NAV3: variants seen among roughly 807,000 people sequenced by gnomAD.
NAV3 encodes neuron navigator 3, also known as pore membrane and/or filament interacting like protein 1.
Under a neutral mutation model 244.7 loss-of-function variants are expected in NAV3, and 87 were observed. The observed-to-expected ratio is 0.36, with a 90% CI of 0.30 to 0.42. NAV3 has a LOEUF of 0.42. NAV3 is among the 20% of genes least tolerant of loss of function. The probability of loss-of-function intolerance (pLI) is 1.00; values close to 1 mark genes in which losing one functional copy is unlikely to be tolerated. For synonymous variants in NAV3, 1,126 were observed against 1,042.2 expected (o/e 1.08, Z -1.55); for missense variants, 2,663 against 2,893.3 (o/e 0.92, Z 1.83).
chr12:78,155,965 T>C (rs1473233159), intron 22 of NAV3, among the ~76,000 whole-genome samples: 1 of 152,192 alleles, frequency 6.6e-6, no homozygotes, highest in African/African-American at 2.4e-5. Context: ...TTCACTCTGA[T>C]GATAGTTTCT....
chr12:77,742,602 A>T (rs1046912654), intron 2 of NAV3, among the ~76,000 whole-genome samples: 2 of 152,088 alleles, frequency 1.3e-5, no homozygotes, highest in Admixed American at 6.6e-5. Flanking sequence ...AACACAAAAA[A>T]ATTTATTATA....
intron 11 of NAV3, among the ~76,000 whole-genome samples, chr12:78,056,664 G>A (rs934061312): frequency 2.0e-5 from 3 of 150,824 alleles, no homozygotes; most frequent in Non-Finnish European, 4.4e-5. Context: ...AGGAAGCAGA[G>A]GTTGCAGTGA....
At position 77,609,628 on chromosome 12, in the gene NAV3, T is replaced by C. The variant is rs565077216; in HGVS notation, c.72+37362T>C. On this transcript the variant is annotated intron_variant, in intron 2 of 8. Coordinates refer to the NAV3 transcript ENST00000550042. ...TAAGTTAGAGATGGGGCCTGAGAAT[T>C]TGCATTTTGAACAACTTCCCAGGTG... Among the ~76,000 whole-genome samples the C allele has an allele frequency of 3.3e-5, 5 of 151,892 alleles. No homozygotes were observed. The South Asian group carries it at 1.0e-3, about 32-fold the overall frequency.
chr12:77,677,283 G>A (rs1258905950), intron 2 of NAV3, among the ~76,000 whole-genome samples: 1 of 152,102 alleles, frequency 6.6e-6, no homozygotes, highest in Admixed American at 6.6e-5. Context: ...GTTTATAATT[G>A]GCTATTTATC....
At chr12:78,014,619 A>G (rs1211472454) in intron 8 of NAV3, among the ~76,000 whole-genome samples, 1 of 152,116 alleles carries the variant, frequency 6.6e-6, no homozygotes, top group Non-Finnish European at 1.5e-5. Context: ...TGACAGGGAA[A>G]TTGACATTTT....
chr12:77,690,334 T>A (rs1315663825), intron 2 of NAV3, among the ~76,000 whole-genome samples: 1 of 151,756 alleles, frequency 6.6e-6, no homozygotes, highest in East Asian at 1.9e-4. Context: ...ATAAATTTAG[T>A]AGTGATTGTG....
intron 1 of NAV3, among the ~76,000 whole-genome samples, chr12:77,834,745 A>G (rs1874326194): frequency 6.6e-6 from 1 of 152,230 alleles, no homozygotes; most frequent in Non-Finnish European, 1.5e-5. Flanking sequence ...GCAAAGTTGT[A>G]TTTATAGGGA....
chr12:78,166,817 G>A (rs1957798746), intron 23 of NAV3, among the ~76,000 whole-genome samples: 1 of 151,674 alleles, frequency 6.6e-6, no homozygotes. Flanking sequence ...TCAAAGCTAA[G>A]CTTAATTTTT....
intron 5 of NAV3, among the ~76,000 whole-genome samples, chr12:77,981,346 T>C (rs937313845): frequency 2.6e-5 from 4 of 152,188 alleles, no homozygotes; most frequent in Admixed American, 2.6e-4. Context: ...TATCATTTTA[T>C]AGCAGTTCAC....
chr12:78,178,505 T>G (rs1158365178), intron 28 of NAV3, among the ~76,000 whole-genome samples: 2 of 152,124 alleles, frequency 1.3e-5, no homozygotes, highest in Non-Finnish European at 2.9e-5. Flanking sequence ...TGTAGGTAAC[T>G]TAAACCACAG....
Position 77,672,699 on chromosome 12 carries a change from T to C in NAV3, c.72+100433T>C, listed in dbSNP as rs577178749. ...CTCAGGGGAAAGGGTGGGAGTGGGGTGAGGGATAAATGACTATACATTGGG... is the reference window on the plus strand; with the variant it reads ...CTCAGGGGAAAGGGTGGGAGTGGGGCGAGGGATAAATGACTATACATTGGG... On this transcript the variant is annotated intron_variant, in intron 2 of 8. Transcript: ENST00000550042. 2.4e-4 allele frequency among the ~76,000 whole-genome samples: 37 copies of C among 151,536 alleles called. No homozygotes were observed. In the South Asian group the frequency reaches 7.5e-3, roughly 31 times the overall value.
chr12:77,988,504 T>C (rs1236144785), intron 5 of NAV3, among the ~76,000 whole-genome samples: 2 of 152,106 alleles, frequency 1.3e-5, no homozygotes, highest in African/African-American at 4.8e-5. Context: ...TTTCTCTTCT[T>C]CCCTTCCATG....
intron 2 of NAV3, among the ~76,000 whole-genome samples, chr12:77,711,049 G>A (rs180850997): frequency 6.6e-6 from 1 of 152,272 alleles, no homozygotes; most frequent in East Asian, 1.9e-4. Context: ...ATGTCACTTT[G>A]CACTTCTCAA....
At chr12:78,064,909 TGTTTTTCAAGTGAAGCCAAGA>T (rs1884827469) in intron 12 of NAV3, among the ~76,000 whole-genome samples, 1 of 152,102 alleles carries the variant, frequency 6.6e-6, no homozygotes, top group African/African-American at 2.4e-5. Context: ...CATTTGATTT[TGTTTTTCAAGTGAAGCCAAGA>T]GTCTGGACTC....
At chr12:78,023,972 A>G (rs895043439) in intron 9 of NAV3, among the ~76,000 whole-genome samples, 10 of 152,114 alleles carry the variant, frequency 6.6e-5, no homozygotes, top group Non-Finnish European at 1.5e-4. Flanking sequence ...AGGCACCATC[A>G]GAAACTACTA....
intron 31 of NAV3, 116 bp from the exon 32 acceptor site, chr12:78,188,132 G>A (rs2290838): frequency 4.0e-6 from 3 of 745,292 alleles, no homozygotes; most frequent in Admixed American, 5.0e-5. Context: ...GAAGCCACAG[G>A]TTTAACAAAT....
chr12:78,209,516 T>C (rs1264493306), intron 39 of NAV3, among the ~76,000 whole-genome samples: 1 of 152,040 alleles, frequency 6.6e-6, no homozygotes, highest in African/African-American at 2.4e-5. Context: ...GAACCATTTA[T>C]TCACAATTTG....
At chr12:78,157,222 T>A (rs1215360050) in intron 22 of NAV3, among the ~76,000 whole-genome samples, 2 of 152,140 alleles carry the variant, frequency 1.3e-5, no homozygotes, top group East Asian at 3.9e-4. Context: ...TTTTGTTCAC[T>A]TTTATATATG....
rs186924180 is a variant in NAV3 at position 78,206,183 on chromosome 12, C to T, written c.7038+1045C>T. Among the ~76,000 whole-genome samples the T allele has an allele frequency of 3.3e-5, 5 of 152,154 alleles. No homozygotes were observed. In the East Asian group the frequency reaches 7.7e-4, roughly 24 times the overall value. The stretch of plus-strand genomic sequence containing the variant: ...TCACTGAAGTATATATATAGACCTA[C>T]TTAGATTCCAGGGATTTCCTGCTGA... On this transcript the variant is annotated intron_variant, in intron 39 of 39. Transcript: ENST00000397909.
Sources: allele counts gnomAD v4.1 joint callset (sites outside exome capture counted in the v4.1 genomes callset), GRCh38; gene constraint gnomAD v4.1.1; transcripts MANE v1.5; gene names NCBI Gene and HGNC (gene_info 2026-07-23, HGNC 2026-07-21).